ZFP3: variants seen among roughly 807,000 people sequenced by gnomAD.
The protein encoded by ZFP3 is zinc finger protein 3 homolog.
Under a neutral mutation model 36.7 loss-of-function variants are expected in ZFP3, and 18 were observed. The observed-to-expected ratio is 0.49, with a 90% CI of 0.34 to 0.73. ZFP3 has a LOEUF of 0.73. ZFP3 is among the 30% of genes least tolerant of loss of function. The pLI, the probability that ZFP3 is intolerant of heterozygous loss-of-function variation, is 0.01. For missense variants in ZFP3, 495 were observed against 599.0 expected, an observed-to-expected ratio of 0.83 and a Z score of 1.81; for synonymous variants, 218 against 199.0, an observed-to-expected ratio of 1.10 and a Z score of -0.81.
At chr17:5,080,189 G>T (rs888083038) in intron 1 of ZFP3, among the ~76,000 whole-genome samples, 1 of 152,156 alleles carries the variant, frequency 6.6e-6, no homozygotes, top group African/African-American at 2.4e-5. Context: ...ATAATATATG[G>T]AAGTATTTTC....
Position 5,094,641 on chromosome 17 carries a change from T to G in ZFP3, c.*1628T>G, listed in dbSNP as rs1011570012. 6.0e-6 allele frequency: 1 copy of G among 167,116 alleles called. No individual in the cohort carries two copies. Among genetic ancestry groups the G allele is most frequent in the Non-Finnish European group, 1.5e-5 (1 of 68,130 alleles). The allele number at this position is 167,116 out of a possible 1,614,324, so 10.4% of individuals were successfully genotyped here. The stretch of plus-strand genomic sequence containing the variant: ...GATAATTCCTTAATTCTTTAAAAAT[T>G]TAACTTTATATATCTTTATTATTCT... On this transcript the variant is annotated 3_prime_UTR_variant, in exon 2 of 2. Transcript: ENST00000318833.
chr17:5,081,072 A>G (rs962910596), intron 1 of ZFP3, among the ~76,000 whole-genome samples: 2 of 149,982 alleles, frequency 1.3e-5, no homozygotes, highest in Non-Finnish European at 3.0e-5. Flanking sequence ...TTGAAATCCC[A>G]ATGTTTTTTC....
At position 5,091,814 on chromosome 17, in the gene ZFP3, C is replaced by A. The variant is rs144756245; in HGVS notation, c.310C>A (p.His104Asn). 1 of 1,614,220 alleles carries A rather than the reference C, an allele frequency of 6.2e-7. No homozygotes were observed. The highest frequency in any genetic ancestry group is 2.2e-5 in the East Asian group (1 of 44,886). ...CAGTCCCAGCCCAAATCTGGTTACA[C>A]ATCAGGGAGATACAACAGAGGGAGT... ...GCSPSPNLVT[H>N]QGDTTEGVSA... Residue 104 changes from histidine to asparagine, a missense_variant, in exon 2 of 2, where the codon CAT becomes AAT. Around this residue, in one of 3 missense-constraint regions of ZFP3, gnomAD observed 229 missense variants for 233.8 expected, o/e 0.98. Coordinates refer to ENST00000318833, the MANE Select transcript of ZFP3 (RefSeq NM_153018.3).
chr17:5,085,392 G>A (rs1381378771), intron 1 of ZFP3, among the ~76,000 whole-genome samples: 7 of 149,946 alleles, frequency 4.7e-5, no homozygotes, highest in East Asian at 3.9e-4. Context: ...TTTTTGAGAC[G>A]GAGCCTTGCT....
At chr17:5,082,761 C>T (rs2072100971) in intron 1 of ZFP3, among the ~76,000 whole-genome samples, 2 of 152,156 alleles carry the variant, frequency 1.3e-5, no homozygotes. Flanking sequence ...AACTCCTGGG[C>T]TTAAGTGATG....
intron 1 of ZFP3, among the ~76,000 whole-genome samples, chr17:5,082,204 G>A (rs1262774038): frequency 1.3e-5 from 2 of 151,652 alleles, no homozygotes; most frequent in Non-Finnish European, 2.9e-5. Context: ...AAAATTAGCC[G>A]GGCCTGGTGG....
At chr17:5,088,633 A>T (rs1296614970) in intron 1 of ZFP3, among the ~76,000 whole-genome samples, 1 of 151,360 alleles carries the variant, frequency 6.6e-6, no homozygotes, top group Non-Finnish European at 1.5e-5. Context: ...TATTTTTAGT[A>T]GAGACGGGGT....
At chr17:5,089,534 C>T (rs886435180) in intron 1 of ZFP3, among the ~76,000 whole-genome samples, 1 of 152,114 alleles carries the variant, frequency 6.6e-6, no homozygotes, top group Non-Finnish European at 1.5e-5. Flanking sequence ...GGCTAATTGC[C>T]ACACTATATA....
chr17:5,091,571 T>G lies in ZFP3; in HGVS notation c.67T>G (p.Ser23Ala). The change falls in exon 2 of 2, where the codon TCA becomes GCA. Residue 23 changes from serine to alanine, a missense_variant. By Grantham distance (99) the Ser-to-Ala change is moderately conservative (BLOSUM62 1). Coordinates refer to ENST00000318833, the MANE Select transcript of ZFP3 (RefSeq NM_153018.3). ...EISEESEPHGSLLEKFPKVVY... is the reference protein window; with the variant it reads ...EISEESEPHGALLEKFPKVVY... ...TTCTGAAGAATCTGAGCCACATGGG[T>G]CATTATTAGAAAAATTTCCAAAAGT... The G allele has an allele frequency of 6.2e-7, 1 of 1,614,210 alleles. No individual in the cohort carries two copies. Among genetic ancestry groups the G allele is most frequent in the Non-Finnish European group, 8.5e-7 (1 of 1,180,042 alleles).
rs2072153730 is a variant in ZFP3 at position 5,092,182 on chromosome 17, A to G, written c.678A>G (p.Lys226=). The G allele has an allele frequency of 6.2e-7, 1 of 1,614,064 alleles. No homozygotes were observed. The highest frequency in any genetic ancestry group is 1.3e-5 in the African/African-American group (1 of 74,932). Residue 226 remains lysine, a synonymous_variant, in exon 2 of 2, where the codon AAA becomes AAG. Transcript: ENST00000318833. This position sits in a 1 kb window ranked among gnomAD's most constrained non-coding sequence, Gnocchi z 5.0. ...HRIHTGERPY[K]CEECGKAFSQ... ...TTCATACTGGAGAGAGACCCTATAA[A>G]TGTGAAGAATGTGGTAAAGCCTTCA...
Position 5,093,140 on chromosome 17 carries a change from C to A in ZFP3, c.*127C>A. The A allele has an allele frequency of 9.7e-7, 1 of 1,028,952 alleles. No homozygotes were observed. The highest frequency in any genetic ancestry group is 1.4e-6 in the Non-Finnish European group (1 of 737,606). The allele number at this position is 1,028,952 out of a possible 1,614,324, so 63.7% of individuals were successfully genotyped here. A position where few individuals can be genotyped will look rare whatever the true frequency, so the allele number is the denominator to read the frequency against. On this transcript the variant is annotated 3_prime_UTR_variant, in exon 2 of 2. Coordinates refer to ENST00000318833, the MANE Select transcript of ZFP3 (RefSeq NM_153018.3). ...GGACAGAACCTCCTCTGTCCTCCCACTGATTTTAAATAGTTGGTTGAAGAA... is the reference window on the plus strand; with the variant it reads ...GGACAGAACCTCCTCTGTCCTCCCAATGATTTTAAATAGTTGGTTGAAGAA...
intron 1 of ZFP3, among the ~76,000 whole-genome samples, chr17:5,089,624 T>C (rs1404575184): frequency 6.6e-6 from 1 of 152,154 alleles, no homozygotes; most frequent in East Asian, 1.9e-4. Flanking sequence ...CTAAAAATCT[T>C]TGTAAAAGTT....
Position 5,086,876 on chromosome 17 carries a change from C to G in ZFP3, c.-8-4621C>G, listed in dbSNP as rs191308004. Among the ~76,000 whole-genome samples, 418 of 147,584 alleles carry G rather than the reference C, an allele frequency of 2.8e-3. 2 individuals are homozygous for G. Among genetic ancestry groups the G allele is most frequent in the African/African-American group, 9.9e-3 (396 of 40,152 alleles). ...CCGAGTAGCTGGGACTACAGGCGCC[C>G]GCCACCACGCCTGGCTCCTTTTTTT... On this transcript the variant is annotated intron_variant, in intron 1 of 1. Coordinates refer to ENST00000318833, the MANE Select transcript of ZFP3 (RefSeq NM_153018.3).
intron 1 of ZFP3, among the ~76,000 whole-genome samples, chr17:5,086,005 T>C (rs957921660): frequency 6.6e-6 from 1 of 152,244 alleles, no homozygotes; most frequent in African/African-American, 2.4e-5. Flanking sequence ...AGAAGATAGC[T>C]AAATTCTCGA....
rs915576349 is a variant in ZFP3, at chr17:5,095,615, G to T, written c.*2602G>T. ...CTGAAGATAGTGTGTAAGCAAAGGAGAAGAGTTCACATTGTGCATCCTATT... is the reference window on the plus strand; with the variant it reads ...CTGAAGATAGTGTGTAAGCAAAGGATAAGAGTTCACATTGTGCATCCTATT... On this transcript the variant is annotated 3_prime_UTR_variant, in exon 2 of 2. Transcript: ENST00000318833. 1.8e-5 allele frequency: 3 copies of T among 167,008 alleles called. No individual in the cohort carries two copies. Among genetic ancestry groups the T allele is most frequent in the Admixed American group, 1.3e-4 (2 of 15,246 alleles). 10.3% of individuals were successfully genotyped at this position (167,008 alleles called of 1,614,324 possible). A position where few individuals can be genotyped will look rare whatever the true frequency, so the allele number is the denominator to read the frequency against.
Position 5,092,730 on chromosome 17 carries a change from T to C in ZFP3, c.1226T>C (p.Ile409Thr), listed in dbSNP as rs750500394. Residue 409 changes from isoleucine (I) to threonine (T), a missense_variant, in exon 2 of 2, where the codon ATT (isoleucine) becomes ACT (threonine). Coordinates refer to ENST00000318833, the MANE Select transcript of ZFP3 (RefSeq NM_153018.3). The surrounding 1 kb of genome is among the most constrained non-coding windows in gnomAD (Gnocchi z 5.0). ...GKAFRRTSHL[I>T]VHQRIHTGEK... ...GCTTTCAGGCGGACCTCTCACCTTA[T>C]TGTCCACCAGAGAATTCATACTGGA... 3 of 1,614,154 alleles carry C rather than the reference T, an allele frequency of 1.9e-6. No homozygotes were observed. Among genetic ancestry groups the C allele is most frequent in the Non-Finnish European group, 2.5e-6 (3 of 1,180,032 alleles).
At chr17:5,088,740 G>A (rs1336587831) in intron 1 of ZFP3, among the ~76,000 whole-genome samples, 2 of 152,112 alleles carry the variant, frequency 1.3e-5, no homozygotes, top group East Asian at 3.9e-4. Context: ...GAGCCACCAC[G>A]CCCGGCCAGG....
intron 1 of ZFP3, among the ~76,000 whole-genome samples, chr17:5,090,164 A>T (rs1181869759): frequency 1.3e-5 from 2 of 152,234 alleles, no homozygotes; most frequent in Non-Finnish European, 2.9e-5. Context: ...TGGACTACAA[A>T]TTTATACTAA....
chr17:5,090,809 TA>T (rs2072145854), intron 1 of ZFP3, among the ~76,000 whole-genome samples: 1 of 152,086 alleles, frequency 6.6e-6, no homozygotes, highest in Admixed American at 6.6e-5. Context: ...AAGCTGGGAC[TA>T]CAGGTGTACG....
Sources: gnomAD v4.1 joint callset for allele counts (sites outside exome capture counted in the v4.1 genomes callset) on GRCh38, gnomAD v4.1.1 for gene constraint, gnomAD v4.1.1 regional missense constraint, Gnocchi (gnomAD v3.1) non-coding constraint, MANE v1.5 for transcripts, NCBI Gene and HGNC (gene_info 2026-07-23, HGNC 2026-07-21) for gene names.